SUCLG2: variants seen among roughly 807,000 people sequenced by gnomAD.
SUCLG2 encodes succinate--CoA ligase [GDP-forming] subunit beta, mitochondrial.
A neutral mutation model predicts 47.9 loss-of-function variants in SUCLG2; 42 were observed. That is an observed-to-expected ratio of 0.88 (90% CI 0.69 to 1.14). SUCLG2 has a LOEUF of 1.14. Ranked by LOEUF, SUCLG2 falls within the 50% of genes most tolerant of loss-of-function variation. The probability of loss-of-function intolerance (pLI) is 0.00; values close to 1 mark genes in which losing one functional copy is unlikely to be tolerated. For synonymous variants in SUCLG2, 195 were observed against 197.3 expected, an observed-to-expected ratio of 0.99 and a Z score of 0.10; for missense variants, 571 against 525.9, an observed-to-expected ratio of 1.09 and a Z score of -0.84.
chr3:67,463,840 G>A (rs915012031), intron 9 of SUCLG2, among the ~76,000 whole-genome samples: 1 of 152,226 alleles, frequency 6.6e-6, no homozygotes, highest in Admixed American at 6.5e-5. Context: ...AAAAGGTCAA[G>A]GAGGAAGCCA....
chr3:67,392,973 C>G (rs1462527374), intron 10 of SUCLG2, among the ~76,000 whole-genome samples: 1 of 152,048 alleles, frequency 6.6e-6, no homozygotes, highest in East Asian at 1.9e-4. Context: ...CATCACTACA[C>G]CTGAGAGATC....
At chr3:67,385,375 C>G (rs1702238477) in intron 10 of SUCLG2, among the ~76,000 whole-genome samples, 1 of 152,216 alleles carries the variant, frequency 6.6e-6, no homozygotes, top group African/African-American at 2.4e-5. Flanking sequence ...GCAGATAAGA[C>G]CTGTGATGTG....
chr3:67,520,507 G>T lies in SUCLG2; in HGVS notation c.545C>A (p.Ala182Asp). The T allele has an allele frequency of 6.2e-7, 1 of 1,614,162 alleles. No individual in the cohort carries two copies. Among genetic ancestry groups the T allele is most frequent in the Non-Finnish European group, 8.5e-7 (1 of 1,180,000 alleles). ...QGGVDIEEVA[A>D]SNPELIFKEQ... ...CTTAAAAATGAGCTCCGGGTTTGAA[G>T]CAGCCACCTCTTCAATGTCGACGCC... The change falls in exon 5 of 11, where the codon GCT becomes GAT. Residue 182 changes from alanine to aspartate, a missense_variant. Transcript: ENST00000307227.
intron 9 of SUCLG2, among the ~76,000 whole-genome samples, chr3:67,417,523 C>T (rs1396722351): frequency 2.0e-5 from 3 of 152,186 alleles, no homozygotes; most frequent in Non-Finnish European, 4.4e-5. Context: ...GACACGATGC[C>T]TACAATACTT....
intron 1 of SUCLG2, among the ~76,000 whole-genome samples, chr3:67,612,708 C>T (rs143075831): frequency 1.8e-4 from 27 of 152,264 alleles, no homozygotes; most frequent in African/African-American, 5.1e-4. Flanking sequence ...TGAAGTTAGG[C>T]GATGCCGTAT....
chr3:67,383,316 A>C (rs1702197154), intron 10 of SUCLG2, among the ~76,000 whole-genome samples: 1 of 152,216 alleles, frequency 6.6e-6, no homozygotes, highest in African/African-American at 2.4e-5. Context: ...GCAGAGGAAG[A>C]AGCTGAGATT....
At chr3:67,622,381 T>C (rs1700750614) in intron 1 of SUCLG2, among the ~76,000 whole-genome samples, 1 of 152,210 alleles carries the variant, frequency 6.6e-6, no homozygotes, top group Non-Finnish European at 1.5e-5. Flanking sequence ...ATGCCAAGTT[T>C]AGGACACTGA....
At chr3:67,590,231 A>T (rs1708124534) in intron 2 of SUCLG2, among the ~76,000 whole-genome samples, 1 of 152,186 alleles carries the variant, frequency 6.6e-6, no homozygotes, top group African/African-American at 2.4e-5. Context: ...ATAATTTTAA[A>T]ATATTTCTAT....
At chr3:67,367,712 T>C (rs1301464449) in intron 10 of SUCLG2, among the ~76,000 whole-genome samples, 1 of 152,164 alleles carries the variant, frequency 6.6e-6, no homozygotes, top group African/African-American at 2.4e-5. Flanking sequence ...CTCTAGACAT[T>C]GCAAAATTTT....
chr3:67,590,458 T>C (rs911063857), intron 2 of SUCLG2, among the ~76,000 whole-genome samples: 1 of 151,972 alleles, frequency 6.6e-6, no homozygotes, highest in Non-Finnish European at 1.5e-5. Flanking sequence ...TGGGGGAAGA[T>C]CCCTCATGAA....
chr3:67,394,244 A>C (rs1333522613), intron 10 of SUCLG2, among the ~76,000 whole-genome samples: 1 of 152,260 alleles, frequency 6.6e-6, no homozygotes, highest in Middle Eastern at 3.4e-3. Context: ...AGGAAATTCA[A>C]ACCAAAGGCA....
At chr3:67,526,994 T>G (rs551500325) in intron 4 of SUCLG2, among the ~76,000 whole-genome samples, 1 of 152,228 alleles carries the variant, frequency 6.6e-6, no homozygotes, top group Admixed American at 6.5e-5. Context: ...GATTGCTACA[T>G]AGCAAGAAAA....
At chr3:67,460,341 T>C (rs932230905) in intron 9 of SUCLG2, among the ~76,000 whole-genome samples, 2 of 152,216 alleles carry the variant, frequency 1.3e-5, no homozygotes, top group Admixed American at 6.5e-5. Flanking sequence ...ATAATAATGA[T>C]AGCAGAAATT....
chr3:67,611,937 A>AC (rs1048607889), intron 1 of SUCLG2, among the ~76,000 whole-genome samples: 66 of 152,288 alleles, frequency 4.3e-4, no homozygotes, highest in African/African-American at 1.5e-3. Context: ...CACTGATGAC[A>AC]CCCGGCTATC....
chr3:67,419,977 T>C (rs1316080573), intron 9 of SUCLG2, among the ~76,000 whole-genome samples: 1 of 152,264 alleles, frequency 6.6e-6, no homozygotes, highest in Non-Finnish European at 1.5e-5. Flanking sequence ...CAGGGATGGT[T>C]TGATTGCTTC....
chr3:67,448,136 T>C (rs771861268), intron 9 of SUCLG2, among the ~76,000 whole-genome samples: 5 of 152,204 alleles, frequency 3.3e-5, no homozygotes, highest in African/African-American at 7.2e-5. Context: ...TAAGGATATA[T>C]AGATGATATT....
At chr3:67,443,972 G>A (rs1703846600) in intron 9 of SUCLG2, among the ~76,000 whole-genome samples, 2 of 112,960 alleles carry the variant, frequency 1.8e-5, no homozygotes, top group East Asian at 3.8e-4. Context: ...GGGGGGGTCA[G>A]CCCCCCGCCC....
Position 67,639,074 on chromosome 3 carries a change from A to G in SUCLG2, c.84+15429T>C, listed in dbSNP as rs1701054851. ...TCCAGTACAGCCATGTGTCCAGAGA[A>G]AAGAAGAGCTGGCTTCAGTTAACGG... On this transcript the variant is annotated intron_variant, in intron 1 of 10. Coordinates refer to ENST00000307227, the MANE Select transcript of SUCLG2 (RefSeq NM_003848.4). Among the ~76,000 whole-genome samples, 3 of 152,218 alleles carry G rather than the reference A, an allele frequency of 2.0e-5. No individual in the cohort carries two copies. In the South Asian group the frequency reaches 6.2e-4, roughly 31 times the overall value.
chr3:67,373,098 C>G, downstream of SUCLG2, among the ~76,000 whole-genome samples: 1 of 152,184 alleles, frequency 6.6e-6, no homozygotes, highest in African/African-American at 2.4e-5. Flanking sequence ...TCCTTCCCCA[C>G]TATGATATAT....
Sources: gnomAD v4.1 joint callset for allele counts (sites outside exome capture counted in the v4.1 genomes callset) on GRCh38, gnomAD v4.1.1 for gene constraint, MANE v1.5 for transcripts, NCBI Gene and HGNC (gene_info 2026-07-23, HGNC 2026-07-21) for gene names.